The following TRABD variants were observed in gnomAD, a reference collection of about 807,000 sequenced individuals.
TRABD encodes the protein TraB domain containing.
A neutral mutation model predicts 39.6 loss-of-function variants in TRABD; 23 were observed. That is an observed-to-expected ratio of 0.58 (90% CI 0.42 to 0.82). TRABD has a LOEUF of 0.82. Among genes scored for constraint, TRABD ranks in the 40% least tolerant of loss-of-function variants. The pLI is 0.00. For synonymous variants in TRABD, 243 were observed against 232.1 expected (o/e 1.05, Z -0.43); for missense variants, 487 against 544.9 (o/e 0.89, Z 1.06).
chr22:50,196,260 G>A (rs117431860), intron 5 of TRABD, among the ~76,000 whole-genome samples: 1 of 152,226 alleles, frequency 6.6e-6, no homozygotes, highest in African/African-American at 2.4e-5. Context: ...GTGGACCAAG[G>A]CCTCGTGAAT....
chr22:50,196,031 C>T (rs534571867), intron 5 of TRABD, among the ~76,000 whole-genome samples: 6 of 152,322 alleles, frequency 3.9e-5, no homozygotes, highest in East Asian at 1.9e-4. Flanking sequence ...CCAGTGATCT[C>T]GAAGGGGCAT....
chr22:50,190,373 G>A (rs1170824762), intron 1 of TRABD, among the ~76,000 whole-genome samples: 1 of 152,188 alleles, frequency 6.6e-6, no homozygotes. Flanking sequence ...GTCAGGACCA[G>A]CGCCTGCTGC....
chr22:50,193,706 C>A, intron 3 of TRABD, 52 bp downstream of exon 3: 2 of 1,574,428 alleles, frequency 1.3e-6, no homozygotes, highest in South Asian at 1.1e-5. Flanking sequence ...GCTGTTGAGT[C>A]AGGGAGGAGG....
At position 50,199,025 on chromosome 22, in the gene TRABD, C is replaced by G; in HGVS notation, c.*506C>G. The G allele has an allele frequency of 2.9e-6, 2 of 685,240 alleles. No homozygotes were observed. Among genetic ancestry groups the G allele is most frequent in the Non-Finnish European group, 5.5e-6 (2 of 366,126 alleles). 42.4% of individuals were successfully genotyped at this position (685,240 alleles called of 1,614,324 possible). On this transcript the variant is annotated 3_prime_UTR_variant, in exon 10 of 10. Coordinates refer to ENST00000380909, the MANE Select transcript of TRABD (RefSeq NM_001320485.2). ...CCCCTGGCATCCTGGCCCTGGCCGC[C>G]ACCTCCCTGGCACCGTCTGCCTGCA...
At chr22:50,191,463 A>G (rs1267701860) in intron 1 of TRABD, among the ~76,000 whole-genome samples, 5 of 152,214 alleles carry the variant, frequency 3.3e-5, no homozygotes, top group African/African-American at 1.2e-4. Flanking sequence ...CTGTGTGCCA[A>G]CAGGGTTTGC....
chr22:50,194,545 G>T, intron 4 of TRABD, 39 bp downstream of exon 4: 3 of 1,558,194 alleles, frequency 1.9e-6, no homozygotes, highest in Non-Finnish European at 1.7e-6. Context: ...ACACGGGTTG[G>T]TGTAAGCTCC....
In TRABD at chr22:50,199,057, CTG is replaced by C; in HGVS notation, c.*542_*543del. 1.4e-6 allele frequency: 1 copy of C among 711,690 alleles called. No individual in the cohort carries two copies. The highest frequency in any genetic ancestry group is 2.6e-6 in the Non-Finnish European group (1 of 381,652). 44.1% of individuals were successfully genotyped at this position (711,690 alleles called of 1,614,324 possible). On this transcript the variant is annotated 3_prime_UTR_variant, in exon 10 of 10. Transcript: ENST00000380909. ...CTGGCACCGTCTGCCTGCAGGGATT[CTG>C]TGTTTTTGGCTTTTTTAATGTCTTA...
chr22:50,191,163 C>T (rs556610046), intron 1 of TRABD, among the ~76,000 whole-genome samples: 1 of 152,268 alleles, frequency 6.6e-6, no homozygotes, highest in East Asian at 1.9e-4. Flanking sequence ...CAGGCCAGTT[C>T]CTCTCCCAGA....
At position 50,195,029 on chromosome 22, in the gene TRABD, G is replaced by A. The variant is rs555415119; in HGVS notation, c.409G>A (p.Ala137Thr). ...GCTCAGCCTGGAGAAGCTGCAGCAGGCCGTGAGGCAGGTGCGCAGCCGCGG... is the reference window on the plus strand; with the variant it reads ...GCTCAGCCTGGAGAAGCTGCAGCAGACCGTGAGGCAGGTGCGCAGCCGCGG... ...QELSLEKLQQ[A>T]VRQNGLMSGL... is the part of the protein sequence containing the mutation. Residue 137 changes from alanine to threonine, a missense_variant, in exon 5 of 10, where the codon GCC becomes ACC. Around this residue, in one of 3 missense-constraint regions of TRABD, gnomAD observed 358 missense variants for 414.7 expected, o/e 0.86. Coordinates refer to ENST00000380909, the MANE Select transcript of TRABD (RefSeq NM_001320485.2). The A allele has an allele frequency of 3.8e-6, 6 of 1,598,518 alleles. 2 individuals are homozygous for A. In the Admixed American group the frequency reaches 1.0e-4, roughly 27 times the overall value.
At chr22:50,194,532 C>T (rs771197697) in intron 4 of TRABD, 26 bp downstream of exon 4, 7 of 1,562,426 alleles carry the variant, frequency 4.5e-6, no homozygotes, top group East Asian at 4.8e-5. Context: ...CGCCACATCC[C>T]GGACACGGGT....
intron 1 of TRABD, among the ~76,000 whole-genome samples, chr22:50,187,352 G>C (rs2063786345): frequency 6.6e-6 from 1 of 152,222 alleles, no homozygotes; most frequent in South Asian, 2.1e-4. Context: ...CCAAAGCCGG[G>C]AGGGGTTTCC....
intron 1 of TRABD, among the ~76,000 whole-genome samples, chr22:50,189,889 C>T (rs1359201665): frequency 3.9e-5 from 6 of 152,358 alleles, no homozygotes; most frequent in African/African-American, 1.4e-4. Context: ...CAGACATTGT[C>T]TCTGAAGACA....
Position 50,193,087 on chromosome 22 carries a change from G to T in TRABD, c.27G>T (p.Pro9=). 1 of 1,545,324 alleles carries T rather than the reference G, an allele frequency of 6.5e-7. No individual in the cohort carries two copies. MDGEEQQP[P]HEANVEPVVP... ...TGGACGGGGAGGAGCAGCAGCCACC[G>T]CACGAGGTGAGGTGGAGGCTGGGCT... The change falls in exon 2 of 10, where the codon CCG becomes CCT. Residue 9 remains proline, a synonymous_variant. Transcript: ENST00000380909.
chr22:50,190,699 T>C (rs2063878395), intron 1 of TRABD: 1 of 152,506 alleles, frequency 6.6e-6, no homozygotes, highest in Non-Finnish European at 1.5e-5. Context: ...CTAAGAGTTC[T>C]GGCTTGTGTG....
Position 50,199,010 on chromosome 22 carries a change from C to G in TRABD, c.*491C>G. The G allele has an allele frequency of 1.5e-6, 1 of 669,212 alleles. No individual in the cohort carries two copies. The highest frequency in any genetic ancestry group is 2.8e-6 in the Non-Finnish European group (1 of 357,346). The allele number at this position is 669,212 out of a possible 1,614,324, so 41.5% of individuals were successfully genotyped here. ...GCCGACCCCACCGTGCCCCTGGCAT[C>G]CTGGCCCTGGCCGCCACCTCCCTGG... On this transcript the variant is annotated 3_prime_UTR_variant, in exon 10 of 10. Transcript: ENST00000380909.
Position 50,198,536 on chromosome 22 carries a change from C to T in TRABD, c.*17C>T, listed in dbSNP as rs78423345. ...CACAAGTAGGAGACTGCTCCCCGCC[C>T]GCTCGGGCCCCTGAGGAGCCAGTGC... On this transcript the variant is annotated 3_prime_UTR_variant, in exon 10 of 10. Coordinates refer to ENST00000380909, the MANE Select transcript of TRABD (RefSeq NM_001320485.2). This position sits in a 1 kb window ranked among gnomAD's most constrained non-coding sequence, Gnocchi z 7.9. 5.1e-3 allele frequency: 7,719 copies of T among 1,509,626 alleles called. 338 individuals carry two copies. The African/African-American group carries it at 0.092, about 18-fold the overall frequency. The allele number at this position is 1,509,626 out of a possible 1,614,324, so 93.5% of individuals were successfully genotyped here. A position where few individuals can be genotyped will look rare whatever the true frequency, so the allele number is the denominator to read the frequency against.
chr22:50,188,390 G>A (rs753065120), intron 1 of TRABD, among the ~76,000 whole-genome samples: 1 of 152,168 alleles, frequency 6.6e-6, no homozygotes, highest in Non-Finnish European at 1.5e-5. Context: ...GGCTGTGAGC[G>A]AGTAGGCTCC....
rs113458311 is a variant in TRABD, at chr22:50,193,090, C to A, written c.30C>A (p.His10Gln). Residue 10 changes from histidine to glutamine, a missense_variant, in exon 2 of 10, where the codon CAC becomes CAA. Physicochemically the swap from His to Gln is conservative, Grantham distance 24. Around this residue, in one of 3 missense-constraint regions of TRABD, gnomAD observed 358 missense variants for 414.7 expected, o/e 0.86. Coordinates refer to ENST00000380909, the MANE Select transcript of TRABD (RefSeq NM_001320485.2). Reference protein sequence around the residue: MDGEEQQPPHEANVEPVVPS... With the variant: MDGEEQQPPQEANVEPVVPS... ...ACGGGGAGGAGCAGCAGCCACCGCA[C>A]GAGGTGAGGTGGAGGCTGGGCTGGC... 20 of 1,545,116 alleles carry A rather than the reference C, an allele frequency of 1.3e-5. No individual in the cohort carries two copies. The highest frequency in any genetic ancestry group is 8.2e-5 in the African/African-American group (6 of 73,184).
At chr22:50,193,691 G>T in intron 3 of TRABD, 37 bp downstream of exon 3, 1 of 1,599,122 alleles carries the variant, frequency 6.3e-7, no homozygotes, top group Non-Finnish European at 8.6e-7. Flanking sequence ...GTTCCCCGGT[G>T]TTGGGCTGTT....
Sources: gnomAD v4.1 joint callset for allele counts (sites outside exome capture counted in the v4.1 genomes callset) on GRCh38, gnomAD v4.1.1 for gene constraint, gnomAD v4.1.1 regional missense constraint, Gnocchi (gnomAD v3.1) non-coding constraint, MANE v1.5 for transcripts, NCBI Gene and HGNC (gene_info 2026-07-23, HGNC 2026-07-21) for gene names.